The following LCN10 variants were observed in gnomAD, a reference collection of about 807,000 sequenced individuals.
LCN10 encodes the protein epididymal-specific lipocalin-10.
A neutral mutation model predicts 25.1 loss-of-function variants in LCN10; 18 were observed. The ratio of observed to expected loss-of-function variants is 0.72; its 90% CI spans 0.50 to 1.06. The LOEUF (loss-of-function observed/expected upper bound fraction) is 1.06, where lower values mean the gene tolerates loss of function less well. Ranked by LOEUF, LCN10 falls within the 50% of genes least tolerant of loss-of-function variation. LCN10 has a pLI of 0.00. For missense variants in LCN10, 257 were observed against 258.9 expected (o/e 0.99, Z 0.05); for synonymous variants, 130 against 116.7 (o/e 1.11, Z -0.73).
At position 136,739,439 on chromosome 9, in the gene LCN10, C is replaced by G; in HGVS notation, c.*86G>C. The G allele has an allele frequency of 2.8e-6, 4 of 1,420,868 alleles. No homozygotes were observed. Among genetic ancestry groups the G allele is most frequent in the Non-Finnish European group, 3.9e-6 (4 of 1,028,124 alleles). 88.0% of individuals were successfully genotyped at this position (1,420,868 alleles called of 1,614,324 possible). ...AGTCACCAAACACCTCTCAACAAGC[C>G]GTGGTCTCCACTTGACATCTGGAAC... On this transcript the variant is annotated 3_prime_UTR_variant, in exon 6 of 6. Transcript: ENST00000497771. The surrounding 1 kb of genome is among the most constrained non-coding windows in gnomAD (Gnocchi z 6.1).
chr9:136,740,329 C>T lies in LCN10; in HGVS notation c.476-281G>A. The T allele has an allele frequency of 3.9e-6, 2 of 511,392 alleles. No individual in the cohort carries two copies. Among genetic ancestry groups the T allele is most frequent in the South Asian group, 4.2e-5 (2 of 47,634 alleles). 31.7% of individuals were successfully genotyped at this position (511,392 alleles called of 1,614,324 possible). ...TCAGCTGTGCCCCAGCTTGCTGCAC[C>T]CTGAGCGTGCCCTGCCTCGACTGAG... On this transcript the variant is annotated intron_variant, in intron 4 of 5. Transcript: ENST00000497771. This position sits in a 1 kb window ranked among gnomAD's most constrained non-coding sequence, Gnocchi z 5.3.
chr9:136,741,216 C>A (rs569624906), intron 3 of LCN10, 36 bp downstream of exon 3: 2 of 1,576,428 alleles, frequency 1.3e-6, no homozygotes, highest in African/African-American at 2.7e-5. Flanking sequence ...AGAGGCATAT[C>A]ACGCAGCTCC....
rs763737725 is a variant in LCN10 at position 136,741,901 on chromosome 9, G to A, written c.237C>T (p.Arg79=). The A allele has an allele frequency of 2.2e-5, 36 of 1,607,822 alleles. No homozygotes were observed. The highest frequency in any genetic ancestry group is 2.2e-5 in the South Asian group (2 of 89,598). The part of the protein sequence containing the change: ...VVKVNKVGQL[R]VLLAFRRLKG... ...CTCACCGTCTGAAGGCGAGGAGCAC[G>A]CGGAGCTGGCCCACTTTGTTCACCT... Residue 79 remains arginine, a synonymous_variant, in exon 2 of 6, where the codon CGC becomes CGT. Coordinates refer to ENST00000497771, the MANE Select transcript of LCN10 (RefSeq NM_001001712.3).
chr9:136,741,102 G>C (rs1015997203), intron 3 of LCN10, 150 bp downstream of exon 3: 10 of 985,090 alleles, frequency 1.0e-5, no homozygotes, highest in Middle Eastern at 2.4e-4. Flanking sequence ...CCCGGGCCAG[G>C]CCGCCCAGCA....
In LCN10 at chr9:136,740,919, A is replaced by G; in HGVS notation, c.392T>C (p.Val131Ala). ...EGVKGVKAFH[V>A]LSTDYSYGLV... ...GCCGTAGCTGTAGTCAGTGGACAGC[A>G]CGTGGAAGGCCTTCACCCCTTTCAC... Residue 131 changes from valine (V) to alanine (A), a missense_variant, in exon 4 of 6, where the codon GTG becomes GCG. Coordinates refer to ENST00000497771, the MANE Select transcript of LCN10 (RefSeq NM_001001712.3). This position sits in a 1 kb window ranked among gnomAD's most constrained non-coding sequence, Gnocchi z 5.3. 6.2e-7 allele frequency: 1 copy of G among 1,613,816 alleles called. No homozygotes were observed. The highest frequency in any genetic ancestry group is 8.5e-7 in the Non-Finnish European group (1 of 1,179,828).
chr9:136,741,611 C>T (rs903964527), intron 2 of LCN10: 2 of 608,590 alleles, frequency 3.3e-6, no homozygotes, highest in Middle Eastern at 4.4e-4. Flanking sequence ...AACACCCACC[C>T]GTGTGGGGCC....
Position 136,739,973 on chromosome 9 carries a change from G to A in LCN10, c.551C>T (p.Ala184Val). 1 of 1,591,502 alleles carries A rather than the reference G, an allele frequency of 6.3e-7. No individual in the cohort carries two copies. Among genetic ancestry groups the A allele is most frequent in the Non-Finnish European group, 8.6e-7 (1 of 1,168,936 alleles). ...ACCGTCTTTCGGGAGGATGACGGCG[G>A]CCTTGGAGAGCCCCAGAATGTCACA... ...DACDILGLSKAAVILPKDASR... is the reference protein window; with the variant it reads ...DACDILGLSKVAVILPKDASR... Residue 184 changes from alanine (A) to valine (V), a missense_variant, in exon 5 of 6, where the codon GCC (alanine) becomes GTC (valine). Ala to Val is a moderately conservative substitution (Grantham distance 64). Coordinates refer to ENST00000497771, the MANE Select transcript of LCN10 (RefSeq NM_001001712.3). This position sits in a 1 kb window ranked among gnomAD's most constrained non-coding sequence, Gnocchi z 6.1.
chr9:136,741,636 G>A (rs557139807), intron 2 of LCN10: 9 of 619,942 alleles, frequency 1.5e-5, no homozygotes, highest in Non-Finnish European at 2.0e-5. Flanking sequence ...AGCTGCAAGC[G>A]GCTTCCTCCC....
Position 136,740,872 on chromosome 9 carries a change from GC to G in LCN10, c.438del (p.Arg147ValfsTer23). The G allele has an allele frequency of 1.2e-6, 2 of 1,613,514 alleles. No individual in the cohort carries two copies. Among genetic ancestry groups the G allele is most frequent in the Non-Finnish European group, 8.5e-7 (1 of 1,179,798 alleles). On this transcript the variant is annotated frameshift_variant, in exon 4 of 6. Coordinates refer to ENST00000497771, the MANE Select transcript of LCN10 (RefSeq NM_001001712.3). LOFTEE classifies it high-confidence loss of function. This position sits in a 1 kb window ranked among gnomAD's most constrained non-coding sequence, Gnocchi z 5.3. ...YSYGLVYLRL[G>X]RATQNYKNLL... ...AGGTTCTTGTAGTTTTGGGTTGCAC[GC>G]CCCAGGCGGAGGTAGACCAAGCCGT...
At chr9:136,742,387 C>A in intron 1 of LCN10, 1 of 405,876 alleles carries the variant, frequency 2.5e-6, no homozygotes, top group South Asian at 3.4e-5. Context: ...CTGCTGCCAA[C>A]CCTAGCGCCC....
chr9:136,741,000 C>T lies in LCN10; in HGVS notation c.368-57G>A, dbSNP rs1375336377. The T allele has an allele frequency of 6.8e-7, 1 of 1,460,162 alleles. No homozygotes were observed. The highest frequency in any genetic ancestry group is 9.5e-7 in the Non-Finnish European group (1 of 1,049,396). The allele number at this position is 1,460,162 out of a possible 1,614,324, so 90.5% of individuals were successfully genotyped here. The stretch of plus-strand genomic sequence containing the variant: ...TCCCGGATGGCGTGGCTGTGCCCGC[C>T]CACAGCCCTGACCCCTGGTGCCCGA... On this transcript the variant is annotated intron_variant, in intron 3 of 5. Coordinates refer to ENST00000497771, the MANE Select transcript of LCN10 (RefSeq NM_001001712.3). The surrounding 1 kb of genome is among the most constrained non-coding windows in gnomAD (Gnocchi z 5.3).
chr9:136,742,516 C>A (rs1294594305), intron 1 of LCN10: 6 of 540,748 alleles, frequency 1.1e-5, no homozygotes, highest in Non-Finnish European at 2.0e-5. Flanking sequence ...GGGCGTCTCC[C>A]GACCTCCTCG....
In LCN10 at chr9:136,739,237, G is replaced by T; in HGVS notation, c.*288C>A. 1 of 442,858 alleles carries T rather than the reference G, an allele frequency of 2.3e-6. No individual in the cohort carries two copies. The highest frequency in any genetic ancestry group is 2.5e-5 in the South Asian group (1 of 40,392). The allele number at this position is 442,858 out of a possible 1,614,324, so 27.4% of individuals were successfully genotyped here. The stretch of plus-strand genomic sequence containing the variant: ...GAGGACTGCGTTGGGCCGGCCTGTG[G>T]TCTGTTTCACAGCAGACAGGGAATA... On this transcript the variant is annotated 3_prime_UTR_variant, in exon 6 of 6. Coordinates refer to ENST00000497771, the MANE Select transcript of LCN10 (RefSeq NM_001001712.3). This position sits in a 1 kb window ranked among gnomAD's most constrained non-coding sequence, Gnocchi z 6.1.
chr9:136,740,686 C>T lies in LCN10; in HGVS notation c.475+150G>A, dbSNP rs962036358. On this transcript the variant is annotated intron_variant, in intron 4 of 5. Transcript: ENST00000497771. This position sits in a 1 kb window ranked among gnomAD's most constrained non-coding sequence, Gnocchi z 5.3. The stretch of plus-strand genomic sequence containing the variant: ...CTCCAGGACCTGACTGCTGTGGTCT[C>T]GGCTTCCATTGCCCCTGCCCTGACC... 1.5e-5 allele frequency: 9 copies of T among 611,428 alleles called. No homozygotes were observed. The highest frequency in any genetic ancestry group is 2.8e-5 in the East Asian group (1 of 36,258). The allele number at this position is 611,428 out of a possible 1,614,324, so 37.9% of individuals were successfully genotyped here.
rs148733656 is a variant in LCN10, at chr9:136,742,822, A to G, written c.82T>C (p.Tyr28His). 3.1e-6 allele frequency: 5 copies of G among 1,613,528 alleles called. No individual in the cohort carries two copies. In the East Asian group the frequency reaches 8.9e-5, roughly 29 times the overall value. ...LAAGSQVQEW[Y>H]PRESHALNWN... ...TTGAGGGCGTGGGACTCCCTGGGGT[A>G]CCACTCCTGCACCTGGGACCCTGCA... Residue 28 changes from tyrosine (Y) to histidine (H), a missense_variant, in exon 1 of 6, where the codon TAC becomes CAC. Physicochemically the swap from Tyr to His is moderately conservative, Grantham distance 83. Transcript: ENST00000497771.
In LCN10 at chr9:136,741,967, C is replaced by T; in HGVS notation, c.171G>A (p.Leu57=). Residue 57 remains leucine, a synonymous_variant, in exon 2 of 6, where the codon TTG becomes TTA. Transcript: ENST00000497771. The part of the protein sequence containing the change: ...LATATDAQGF[L]PARDKRKLGA... The stretch of plus-strand genomic sequence containing the variant: ...CCAGCTTCCTCTTGTCCCTGGCCGG[C>T]AAGAATCCCTGGGCATCAGTGGCAG... 6.2e-7 allele frequency: 1 copy of T among 1,612,672 alleles called. No individual in the cohort carries two copies. Among genetic ancestry groups the T allele is most frequent in the Non-Finnish European group, 8.5e-7 (1 of 1,179,556 alleles).
At position 136,738,572 on chromosome 9, in the gene LCN10, A is replaced by T. The variant is rs1846867183; in HGVS notation, c.*953T>A. On this transcript the variant is annotated 3_prime_UTR_variant, in exon 6 of 6. Coordinates refer to ENST00000497771, the MANE Select transcript of LCN10 (RefSeq NM_001001712.3). Reference sequence around the variant, plus strand: ...CATTCAGTTGGGGGGTTCATCTCAGACAACCTCCCGTCATCACCCCTTGAG... The same window carrying T: ...CATTCAGTTGGGGGGTTCATCTCAGTCAACCTCCCGTCATCACCCCTTGAG... The T allele has an allele frequency of 6.6e-6, 1 of 152,082 alleles. No individual in the cohort carries two copies. Among genetic ancestry groups the T allele is most frequent in the Admixed American group, 6.5e-5 (1 of 15,270 alleles). 9.4% of individuals were successfully genotyped at this position (152,082 alleles called of 1,614,324 possible). A position where few individuals can be genotyped will look rare whatever the true frequency, so the allele number is the denominator to read the frequency against.
intron 1 of LCN10, 180 bp from the exon 2 acceptor site, chr9:136,742,200 A>G: frequency 1.4e-6 from 1 of 738,358 alleles, no homozygotes; most frequent in Non-Finnish European, 2.1e-6. Context: ...GCAGGGCTGC[A>G]GAGAAGCAGG....
Position 136,739,581 on chromosome 9 carries a change from G to A in LCN10, c.575-28C>T, listed in dbSNP as rs1846890016. The A allele has an allele frequency of 6.3e-7, 1 of 1,590,402 alleles. No homozygotes were observed. The highest frequency in any genetic ancestry group is 8.6e-7 in the Non-Finnish European group (1 of 1,169,146). On this transcript the variant is annotated intron_variant, in intron 5 of 5. Transcript: ENST00000497771. This position sits in a 1 kb window ranked among gnomAD's most constrained non-coding sequence, Gnocchi z 6.1. ...GTGGGAGAGGAAAACAGCCACATGT[G>A]GGCTGGCTGCTTGGAGGAGACACAT...
Sources: allele counts gnomAD v4.1 joint callset, GRCh38; gene constraint gnomAD v4.1.1; non-coding constraint Gnocchi (gnomAD v3.1); transcripts MANE v1.5; gene names NCBI Gene and HGNC (gene_info 2026-07-23, HGNC 2026-07-21).